PCDH15: variants seen among roughly 807,000 people sequenced by gnomAD.
PCDH15 encodes the protein protocadherin-15.
Under a neutral mutation model 178.5 loss-of-function variants are expected in PCDH15, and 129 were observed. The ratio of observed to expected loss-of-function variants is 0.72; its 90% CI spans 0.63 to 0.84. The LOEUF is 0.84. PCDH15 is among the 40% of genes least tolerant of loss of function. PCDH15 has a pLI of 0.00. For synonymous variants in PCDH15, 800 were observed against 732.0 expected, an observed-to-expected ratio of 1.09 and a Z score of -1.50; for missense variants, 2,230 against 2,099.9, an observed-to-expected ratio of 1.06 and a Z score of -1.21.
Position 54,236,900 on chromosome 10 carries a change from G to T in PCDH15, c.908C>A (p.Pro303Gln). ...CCGGTCCTGATCAATGGCTTGGATT[G>T]GTGGCGTAACAATAATGGGGTTCAG... ...EELNPIIVTP[P>Q]IQAIDQDRNI... The change falls in exon 9 of 38, where the codon CCA (proline) becomes CAA (glutamine). Residue 303 changes from proline to glutamine, a missense_variant. Pro to Gln is a moderately conservative substitution (Grantham distance 76). Transcript: ENST00000644397. 2 of 1,613,498 alleles carry T rather than the reference G, an allele frequency of 1.2e-6. No individual in the cohort carries two copies. The highest frequency in any genetic ancestry group is 1.3e-5 in the African/African-American group (1 of 74,958).
At chr10:54,454,477 A>T (rs1040866689) in intron 3 of PCDH15, among the ~76,000 whole-genome samples, 26 of 149,300 alleles carry the variant, frequency 1.7e-4, no homozygotes, top group Non-Finnish European at 3.1e-4. Flanking sequence ...AATAATTAAA[A>T]TTATTAATAT....
At chr10:54,582,062 A>T (rs1248279004) in intron 2 of PCDH15, among the ~76,000 whole-genome samples, 1 of 152,178 alleles carries the variant, frequency 6.6e-6, no homozygotes, top group African/African-American at 2.4e-5. Flanking sequence ...AAAAGCAAAA[A>T]TTGACAATTG....
intron 2 of PCDH15, among the ~76,000 whole-genome samples, chr10:55,437,602 T>C (rs1451444006): frequency 6.6e-6 from 1 of 152,062 alleles, no homozygotes; most frequent in African/African-American, 2.4e-5. Context: ...TCATTGAAGA[T>C]ATGACTCTTC....
At chr10:55,334,865 C>T (rs1441854209) in intron 2 of PCDH15, among the ~76,000 whole-genome samples, 1 of 152,144 alleles carries the variant, frequency 6.6e-6, no homozygotes, top group Non-Finnish European at 1.5e-5. Flanking sequence ...ATTATTTATA[C>T]AGAGTATGCT....
At chr10:54,056,012 A>G (rs1214745959) in intron 18 of PCDH15, among the ~76,000 whole-genome samples, 1 of 152,230 alleles carries the variant, frequency 6.6e-6, no homozygotes, top group East Asian at 1.9e-4. Flanking sequence ...TGACTGTTAC[A>G]CATTAGCATA....
chr10:54,287,957 A>T (rs539834546), intron 8 of PCDH15, among the ~76,000 whole-genome samples: 161 of 152,134 alleles, frequency 1.1e-3, no homozygotes, highest in Non-Finnish European at 1.9e-3. Context: ...CATTATAGGC[A>T]CTTCACATAA....
chr10:54,417,633 A>G (rs1001529806), intron 3 of PCDH15, among the ~76,000 whole-genome samples: 1 of 152,178 alleles, frequency 6.6e-6, no homozygotes, highest in Non-Finnish European at 1.5e-5. Flanking sequence ...AATCAAATAT[A>G]GAATGGGAGA....
At chr10:53,913,461 C>T (rs569832291) in intron 25 of PCDH15, among the ~76,000 whole-genome samples, 20 of 151,878 alleles carry the variant, frequency 1.3e-4, no homozygotes, top group South Asian at 6.2e-4. Context: ...TAGCCGGGCG[C>T]GGTGGCTCAC....
intron 8 of PCDH15, among the ~76,000 whole-genome samples, chr10:54,306,364 G>T (rs114090360): frequency 6.6e-6 from 1 of 152,018 alleles, no homozygotes; most frequent in Non-Finnish European, 1.5e-5. Flanking sequence ...GAGAGAGAGC[G>T]AGAGAAAGAT....
intron 8 of PCDH15, among the ~76,000 whole-genome samples, chr10:54,308,851 C>T (rs1280122200): frequency 6.6e-6 from 1 of 151,804 alleles, no homozygotes; most frequent in Non-Finnish European, 1.5e-5. Context: ...ATTTCACATT[C>T]AGGACAATAC....
intron 25 of PCDH15, among the ~76,000 whole-genome samples, chr10:53,928,634 A>T (rs936941181): frequency 6.6e-6 from 1 of 152,022 alleles, no homozygotes; most frequent in Non-Finnish European, 1.5e-5. Context: ...AATAGATTCC[A>T]GTTCTTCTGT....
intron 2 of PCDH15, among the ~76,000 whole-genome samples, chr10:55,355,501 C>T: frequency 6.6e-6 from 1 of 151,948 alleles, no homozygotes; most frequent in African/African-American, 2.4e-5. Flanking sequence ...TGTTGTCGCA[C>T]ATATTTTCAT....
chr10:53,827,018 C>T (rs535655395), intron 32 of PCDH15, among the ~76,000 whole-genome samples: 166 of 151,706 alleles, frequency 1.1e-3, no homozygotes, highest in African/African-American at 3.9e-3. Flanking sequence ...CTCTCGTCTC[C>T]TATGCAAAAA....
At chr10:55,326,420 A>C (rs1844032978) in intron 2 of PCDH15, among the ~76,000 whole-genome samples, 2 of 152,120 alleles carry the variant, frequency 1.3e-5, no homozygotes, top group African/African-American at 4.8e-5. Flanking sequence ...CAATGAGATC[A>C]GTTCTTTTAA....
At chr10:55,137,965 T>C (rs991101317) in intron 2 of PCDH15, among the ~76,000 whole-genome samples, 2 of 152,174 alleles carry the variant, frequency 1.3e-5, no homozygotes, top group African/African-American at 4.8e-5. Context: ...TTAGTATAAT[T>C]CAAGGCCTGA....
chr10:54,584,970 G>T (rs2091345056), intron 2 of PCDH15, among the ~76,000 whole-genome samples: 1 of 152,036 alleles, frequency 6.6e-6, no homozygotes, highest in African/African-American at 2.4e-5. Context: ...GCAAATGGTA[G>T]GTTTGCTTCA....
intron 20 of PCDH15, among the ~76,000 whole-genome samples, chr10:54,009,288 G>A (rs1321128882): frequency 1.3e-5 from 2 of 151,460 alleles, no homozygotes; most frequent in African/African-American, 2.4e-5. Flanking sequence ...ACACAAGAAC[G>A]GAATAATTAA....
chr10:53,808,309 AAAC>A (rs1196973662), intron 37 of PCDH15: 1 of 516,734 alleles, frequency 1.9e-6, no homozygotes, highest in Non-Finnish European at 2.4e-6. Context: ...GATGATATAA[AAAC>A]ATATATAGTG....
At chr10:55,044,856 C>T (rs1023315741) in intron 2 of PCDH15, among the ~76,000 whole-genome samples, 5 of 151,968 alleles carry the variant, frequency 3.3e-5, no homozygotes, top group African/African-American at 1.2e-4. Flanking sequence ...AATCACAATC[C>T]CCACCCTCAA....
Sources: allele counts gnomAD v4.1 joint callset (sites outside exome capture counted in the v4.1 genomes callset), GRCh38; gene constraint gnomAD v4.1.1; transcripts MANE v1.5; gene names NCBI Gene and HGNC (gene_info 2026-07-23, HGNC 2026-07-21).